The following TNIP3 variants were observed in gnomAD, a reference collection of about 807,000 sequenced individuals.
TNIP3 encodes TNFAIP3-interacting protein 3.
Under a neutral mutation model 54.1 loss-of-function variants are expected in TNIP3, and 34 were observed. The ratio of observed to expected loss-of-function variants is 0.63; its 90% CI spans 0.48 to 0.84. TNIP3 has a LOEUF of 0.84. Among genes scored for constraint, TNIP3 ranks in the 40% least tolerant of loss-of-function variants. TNIP3 has a pLI of 0.00. For synonymous variants in TNIP3, 134 were observed against 136.8 expected, an observed-to-expected ratio of 0.98 and a Z score of 0.14; for missense variants, 366 against 387.6, an observed-to-expected ratio of 0.94 and a Z score of 0.47.
chr4:121,149,861 T>C lies in TNIP3; in HGVS notation c.609+242A>G, dbSNP rs114738606. ...GTTAATTGGCGTGCCCCTCTTTTAA[T>C]TGTGTGATCTTGGGTAAGCATTTAA... On this transcript the variant is annotated intron_variant, in intron 6 of 10. Transcript: ENST00000057513. 3.9e-3 allele frequency among the ~76,000 whole-genome samples: 601 copies of C among 152,334 alleles called. 5 individuals are homozygous for C. The highest frequency in any genetic ancestry group is 0.014 in the African/African-American group (579 of 41,588).
At chr4:121,186,863 A>G (rs1268988122) in intron 2 of TNIP3, among the ~76,000 whole-genome samples, 1 of 152,216 alleles carries the variant, frequency 6.6e-6, no homozygotes, top group African/African-American at 2.4e-5. Context: ...AATGAGAATT[A>G]TGTCACCTAC....
intron 3 of TNIP3, among the ~76,000 whole-genome samples, chr4:121,172,157 G>A (rs1724000744): frequency 6.6e-6 from 1 of 152,204 alleles, no homozygotes; most frequent in South Asian, 2.1e-4. Flanking sequence ...AAGCCTTGAA[G>A]AGAATTTCTC....
At chr4:121,140,190 C>G (rs1232624484) in intron 9 of TNIP3, among the ~76,000 whole-genome samples, 2 of 152,034 alleles carry the variant, frequency 1.3e-5, no homozygotes, top group Non-Finnish European at 2.9e-5. Context: ...AAAAATTAGC[C>G]ACGTGTGGTG....
At chr4:121,190,730 A>G (rs1289009668) in intron 2 of TNIP3, among the ~76,000 whole-genome samples, 5 of 152,224 alleles carry the variant, frequency 3.3e-5, no homozygotes. Context: ...CTCGAAATAA[A>G]TATGAATAAG....
intron 1 of TNIP3, among the ~76,000 whole-genome samples, chr4:121,226,218 G>A (rs1169622554): frequency 6.6e-6 from 1 of 151,874 alleles, no homozygotes; most frequent in Non-Finnish European, 1.5e-5. Context: ...AAAAGAGACA[G>A]AGGCAGAGGT....
At chr4:121,183,806 T>C (rs1036322261) in intron 2 of TNIP3, among the ~76,000 whole-genome samples, 21 of 151,950 alleles carry the variant, frequency 1.4e-4, no homozygotes, top group Non-Finnish European at 7.4e-5. Flanking sequence ...GATCTGTCAC[T>C]GTTTCCCATC....
chr4:121,137,800 A>G (rs1376220694), intron 10 of TNIP3: 1 of 366,022 alleles, frequency 2.7e-6, no homozygotes, highest in Admixed American at 3.4e-5. Context: ...CATCTTCAGC[A>G]TTTTTAGATA....
chr4:121,142,355 C>A (rs1729168773), intron 8 of TNIP3, among the ~76,000 whole-genome samples: 1 of 152,160 alleles, frequency 6.6e-6, no homozygotes, highest in Non-Finnish European at 1.5e-5. Context: ...GGATAGAATG[C>A]TTCAGTGCTC....
intron 2 of TNIP3, among the ~76,000 whole-genome samples, chr4:121,201,961 A>C (rs1480064086): frequency 6.6e-6 from 1 of 152,226 alleles, no homozygotes; most frequent in Non-Finnish European, 1.5e-5. Flanking sequence ...TAGAATCAAT[A>C]TTGTGAAAAT....
rs945729384 is a variant in TNIP3, at chr4:121,180,273, G to A, written c.189+2403C>T. ...AAATTAGCCAGATGTGGTGGCGGGC[G>A]CCTGTAGTCCCAGCTACTCGGGAGG... On this transcript the variant is annotated intron_variant, in intron 3 of 12. Coordinates refer to the TNIP3 transcript ENST00000507879. 3.3e-5 allele frequency among the ~76,000 whole-genome samples: 5 copies of A among 152,122 alleles called. No individual in the cohort carries two copies. The South Asian group carries it at 6.2e-4, about 19-fold the overall frequency.
intron 2 of TNIP3, chr4:121,182,919 C>A: frequency 1.0e-6 from 1 of 954,498 alleles, no homozygotes; most frequent in Non-Finnish European, 1.5e-6. Flanking sequence ...TACGATCTCC[C>A]AAACTCTAAT....
chr4:121,168,893 G>C (rs555679113), upstream of TNIP3, among the ~76,000 whole-genome samples: 1 of 152,224 alleles, frequency 6.6e-6, no homozygotes, highest in South Asian at 2.1e-4. Flanking sequence ...ATCTCTGACT[G>C]TGTGTCAAAC....
chr4:121,164,291 G>A lies in TNIP3; in HGVS notation c.-166C>T. The A allele has an allele frequency of 7.0e-7, 1 of 1,435,042 alleles. No homozygotes were observed. Among genetic ancestry groups the A allele is most frequent in the Non-Finnish European group, 9.1e-7 (1 of 1,097,830 alleles). 88.9% of individuals were successfully genotyped at this position (1,435,042 alleles called of 1,614,324 possible). A position where few individuals can be genotyped will look rare whatever the true frequency, so the allele number is the denominator to read the frequency against. ...AATAGGTTTTCATTAAAAATGAACA[G>A]AAGTGACTGTGGATAGGAATTACAC... is the stretch of plus-strand genomic sequence containing the variant. On this transcript the variant is annotated 5_prime_UTR_variant, in exon 1 of 11. Coordinates refer to ENST00000057513, the MANE Select transcript of TNIP3 (RefSeq NM_024873.6).
chr4:121,173,647 G>C (rs572451068), intron 3 of TNIP3, among the ~76,000 whole-genome samples: 1 of 151,856 alleles, frequency 6.6e-6, no homozygotes, highest in Admixed American at 6.6e-5. Context: ...TTTTTTCTTT[G>C]AGATGGAATC....
chr4:121,140,896 T>A (rs1729078598), intron 9 of TNIP3, among the ~76,000 whole-genome samples: 2 of 152,110 alleles, frequency 1.3e-5, no homozygotes, highest in South Asian at 2.1e-4. Flanking sequence ...ATCCTCACAT[T>A]CCTTCAGCCA....
intron 2 of TNIP3, among the ~76,000 whole-genome samples, chr4:121,199,649 T>C (rs1028605593): frequency 6.6e-6 from 1 of 152,190 alleles, no homozygotes; most frequent in Non-Finnish European, 1.5e-5. Flanking sequence ...GAATAGTGTG[T>C]GCACCAAGCT....
chr4:121,147,243 T>C, intron 6 of TNIP3, 69 bp from the exon 7 acceptor site: 1 of 1,542,518 alleles, frequency 6.5e-7, no homozygotes. Context: ...GACTTTATTT[T>C]AAATGACTGC....
intron 4 of TNIP3, among the ~76,000 whole-genome samples, chr4:121,155,245 T>TA (rs1207776250): frequency 6.6e-6 from 1 of 152,160 alleles, no homozygotes; most frequent in Non-Finnish European, 1.5e-5. Context: ...TCCCAATTCT[T>TA]ACTTTCAATT....
At chr4:121,171,913 A>G (rs1411676866) in intron 3 of TNIP3, among the ~76,000 whole-genome samples, 1 of 151,954 alleles carries the variant, frequency 6.6e-6, no homozygotes, top group African/African-American at 2.4e-5. Context: ...TTGTATTTTT[A>G]GTAGAGATGG....
Sources: gnomAD v4.1 joint callset for allele counts (sites outside exome capture counted in the v4.1 genomes callset) on GRCh38, gnomAD v4.1.1 for gene constraint, MANE v1.5 for transcripts, NCBI Gene and HGNC (gene_info 2026-07-23, HGNC 2026-07-21) for gene names.